TAF1L: variants seen among roughly 807,000 people sequenced by gnomAD.
TAF1L encodes TATA-box binding protein associated factor 1 like, also known as transcription initiation factor TFIID subunit 1-like.
Under a neutral mutation model 128.8 loss-of-function variants are expected in TAF1L, and 30 were observed. The observed-to-expected ratio is 0.23, with a 90% CI of 0.17 to 0.32. TAF1L has a LOEUF of 0.32. Ranked by LOEUF, TAF1L falls within the 10% of genes least tolerant of loss-of-function variation. The pLI is 1.00. For missense variants in TAF1L, 2,099 were observed against 2,253.7 expected (o/e 0.93, Z 1.39); for synonymous variants, 764 against 790.7 (o/e 0.97, Z 0.57).
chr9:32,635,662 A>C lies in TAF1L; in HGVS notation c.-83T>G. Reference sequence around the variant, plus strand: ...CCAGCGTCTACCGGAAGCTGAATAAAGGCGGGGGGAGGGGGCAAAGGGGCG... The same window carrying C: ...CCAGCGTCTACCGGAAGCTGAATAACGGCGGGGGGAGGGGGCAAAGGGGCG... On this transcript the variant is annotated 5_prime_UTR_variant, in exon 1 of 1. Transcript: ENST00000242310. 8.7e-6 allele frequency: 4 copies of C among 457,436 alleles called. No homozygotes were observed. The highest frequency in any genetic ancestry group is 9.1e-6 in the Non-Finnish European group (3 of 328,080). 28.3% of individuals were successfully genotyped at this position (457,436 alleles called of 1,614,324 possible).
rs1822503376 is a variant in TAF1L, at chr9:32,630,514, T to C, written c.5066A>G (p.Asn1689Ser). The change falls in exon 1 of 1, where the codon AAT becomes AGT. Residue 1689 changes from asparagine to serine, a missense_variant. By Grantham distance (46) the Asn-to-Ser change is conservative. This residue lies in a region of TAF1L where 404 missense variants were observed against 406.5 expected (regional missense o/e 0.99). Transcript: ENST00000242310. The stretch of plus-strand genomic sequence containing the variant: ...AGTGGAAATATCCAAGACAGACAAA[T>C]TGCTCTCATCTTGAAATACAGAGGC... ...RDASVFQDES[N>S]LSVLDISTAT... 2.5e-6 allele frequency: 4 copies of C among 1,614,158 alleles called. No individual in the cohort carries two copies. Among genetic ancestry groups the C allele is most frequent in the Non-Finnish European group, 3.4e-6 (4 of 1,180,028 alleles).
chr9:32,633,603 T>C lies in TAF1L; in HGVS notation c.1977A>G (p.Leu659=). 3 of 1,614,186 alleles carry C rather than the reference T, an allele frequency of 1.9e-6. No homozygotes were observed. The highest frequency in any genetic ancestry group is 2.5e-6 in the Non-Finnish European group (3 of 1,180,020). ...QPGPHSVQPL[L]KHIKKKAKMR... ...TCTTGGCCTTTTTTTTGATGTGCTT[T>C]AGCAAAGGTTGGACTGAATGGGGAC... Residue 659 remains leucine (L), a synonymous_variant, in exon 1 of 1, where the codon CTA becomes CTG. Transcript: ENST00000242310.
In TAF1L at chr9:32,634,491, C is replaced by T. The variant is rs267602211; in HGVS notation, c.1089G>A (p.Gly363=). Residue 363 remains glycine, a synonymous_variant, in exon 1 of 1, where the codon GGG becomes GGA. Coordinates refer to ENST00000242310, the MANE Select transcript of TAF1L (RefSeq NM_153809.2). ...GCATATCATACCACAGTCGGGCAGG[C>T]CCATAACGCCACTCAGCCACTCTTG... ...TKPRVAEWRY[G]PARLWYDMLG... The T allele has an allele frequency of 1.9e-6, 3 of 1,614,198 alleles. No homozygotes were observed. The East Asian group carries it at 6.7e-5, about 36-fold the overall frequency.
chr9:32,633,055 C>T lies in TAF1L; in HGVS notation c.2525G>A (p.Arg842Gln), dbSNP rs760135663. The T allele has an allele frequency of 1.8e-5, 29 of 1,614,022 alleles. No homozygotes were observed. The highest frequency in any genetic ancestry group is 5.0e-5 in the Admixed American group (3 of 59,982). The change falls in exon 1 of 1, where the codon CGG (arginine) becomes CAG (glutamine). Residue 842 changes from arginine to glutamine, a missense_variant. Coordinates refer to ENST00000242310, the MANE Select transcript of TAF1L (RefSeq NM_153809.2). ...TTTTATATCTTCCATTCGTATCCTCCGTGGCCGATCTTTACTCTTCCAGAA... is the reference window on the plus strand; with the variant it reads ...TTTTATATCTTCCATTCGTATCCTCTGTGGCCGATCTTTACTCTTCCAGAA... Reference protein sequence around the residue: ...RLFWKSKDRPRRIRMEDIKKA... With the variant: ...RLFWKSKDRPQRIRMEDIKKA...
At position 32,635,485 on chromosome 9, in the gene TAF1L, C is replaced by T. The variant is rs1208534270; in HGVS notation, c.95G>A (p.Gly32Asp). 1 of 1,614,192 alleles carries T rather than the reference C, an allele frequency of 6.2e-7. No individual in the cohort carries two copies. Among genetic ancestry groups the T allele is most frequent in the East Asian group, 2.2e-5 (1 of 44,882 alleles). ...GATACCCGCTAAAGTAAATGGGCCA[C>T]CTCCAGATGAATCTTCCTCGCTGTC... ...DSDSEEDSSGGGPFTLAGILF... is the reference protein window; with the variant it reads ...DSDSEEDSSGDGPFTLAGILF... Residue 32 changes from glycine (G) to aspartate (D), a missense_variant, in exon 1 of 1, where the codon GGT becomes GAT. Physicochemically the swap from Gly to Asp is moderately conservative, Grantham distance 94 (BLOSUM62 -1). Transcript: ENST00000242310.
At position 32,634,656 on chromosome 9, in the gene TAF1L, C is replaced by T; in HGVS notation, c.924G>A (p.Lys308=). ...ECSVESEVSQ[K]SLWNYDYAPP... Reference sequence around the variant, plus strand: ...GAGCATAGTCATAGTTCCACAAAGACTTCTGGCTGACTTCTGATTCTACTG... The same window carrying T: ...GAGCATAGTCATAGTTCCACAAAGATTTCTGGCTGACTTCTGATTCTACTG... Residue 308 remains lysine, a synonymous_variant, in exon 1 of 1, where the codon AAG becomes AAA. Coordinates refer to ENST00000242310, the MANE Select transcript of TAF1L (RefSeq NM_153809.2). 6.2e-7 allele frequency: 1 copy of T among 1,614,068 alleles called. No individual in the cohort carries two copies. The highest frequency in any genetic ancestry group is 8.5e-7 in the Non-Finnish European group (1 of 1,180,006).
rs1438047799 is a variant in TAF1L at position 32,633,618 on chromosome 9, TG to T, written c.1961del (p.Ser654Ter). 2 of 1,614,070 alleles carry T rather than the reference TG, an allele frequency of 1.2e-6. No homozygotes were observed. Among genetic ancestry groups the T allele is most frequent in the Non-Finnish European group, 1.7e-6 (2 of 1,180,042 alleles). On this transcript the variant is annotated frameshift_variant, in exon 1 of 1. Transcript: ENST00000242310. LOFTEE classifies it high-confidence loss of function. ...TGATGTGCTTTAGCAAAGGTTGGACTGAATGGGGACCTGGCTGAGAGAGTGC... is the reference window on the plus strand; with the variant it reads ...TGATGTGCTTTAGCAAAGGTTGGACTAATGGGGACCTGGCTGAGAGAGTGC... ...FGALSQPGPHSVQPLLKHIKK... is the reference protein window; with the variant it reads ...FGALSQPGPHXVQPLLKHIKK...
rs1025503265 is a variant in TAF1L at position 32,632,472 on chromosome 9, A to C, written c.3108T>G (p.Ile1036Met). 7 of 1,614,098 alleles carry C rather than the reference A, an allele frequency of 4.3e-6. No individual in the cohort carries two copies. The highest frequency in any genetic ancestry group is 1.7e-4 in the Middle Eastern group (1 of 6,060). Residue 1036 changes from isoleucine (I) to methionine (M), a missense_variant, in exon 1 of 1, where the codon ATT becomes ATG. Physicochemically the swap from Ile to Met is conservative, Grantham distance 10. Around this residue, in one of 4 missense-constraint regions of TAF1L, gnomAD observed 1,213 missense variants for 1,391.4 expected, o/e 0.87. Transcript: ENST00000242310. The surrounding 1 kb of genome is among the most constrained non-coding windows in gnomAD (Gnocchi z 4.4). Reference sequence around the variant, plus strand: ...TCACTTCCCAGCGGGACAACTTTTTAATCTCTTCCTCAGGCACACCAAATT... The same window carrying C: ...TCACTTCCCAGCGGGACAACTTTTTCATCTCTTCCTCAGGCACACCAAATT... ...LRKFGVPEEE[I>M]KKLSRWEVID...
chr9:32,629,967 A>ATGC lies in TAF1L; in HGVS notation c.*129_*131dup. On this transcript the variant is annotated 3_prime_UTR_variant, in exon 1 of 1. Transcript: ENST00000242310. The stretch of plus-strand genomic sequence containing the variant: ...CACCATGCCCAGCTGGAAATTTCCG[A>ATGC]TGCTGCTGAAGCTTGTGTCTTGGGT... 3.3e-6 allele frequency: 5 copies of ATGC among 1,526,078 alleles called. No homozygotes were observed. In the South Asian group the frequency reaches 6.5e-5, roughly 20 times the overall value. 94.5% of individuals were successfully genotyped at this position (1,526,078 alleles called of 1,614,324 possible). A position where few individuals can be genotyped will look rare whatever the true frequency, so the allele number is the denominator to read the frequency against.
chr9:32,633,779 C>T lies in TAF1L; in HGVS notation c.1801G>A (p.Gly601Ser). 1 of 1,614,176 alleles carries T rather than the reference C, an allele frequency of 6.2e-7. No homozygotes were observed. Among genetic ancestry groups the T allele is most frequent in the Non-Finnish European group, 8.5e-7 (1 of 1,180,036 alleles). Residue 601 changes from glycine (G) to serine (S), a missense_variant, in exon 1 of 1, where the codon GGC (glycine) becomes AGC (serine). Transcript: ENST00000242310. ...YYFPKQQGLR[G>S]TFGGNIIQHS... ...TGGATAATATTCCCTCCAAAGGTGC[C>T]CCGAAGACCCTGTTGCTTGGGGAAA...
Position 32,630,129 on chromosome 9 carries a change from T to C in TAF1L, c.5451A>G (p.Ser1817=), listed in dbSNP as rs1280342665. The C allele has an allele frequency of 6.2e-6, 10 of 1,614,070 alleles. No individual in the cohort carries two copies. Among genetic ancestry groups the C allele is most frequent in the Non-Finnish European group, 7.6e-6 (9 of 1,180,034 alleles). Residue 1817 remains serine, a synonymous_variant, in exon 1 of 1, where the codon TCA becomes TCG. Transcript: ENST00000242310. Reference sequence around the variant, plus strand: ...TTCCGTGCCCATCCTTGTGTTCTCCTGAAGCATGCTGAAGCATGAAGGGTT... The same window carrying C: ...TTCCGTGCCCATCCTTGTGTTCTCCCGAAGCATGCTGAAGCATGAAGGGTT... ...PKQPFMLQHA[S]GEHKDGHGK
rs1377413934 is a variant in TAF1L, at chr9:32,634,886, C to A, written c.694G>T (p.Ala232Ser). 1.9e-6 allele frequency: 3 copies of A among 1,614,176 alleles called. No homozygotes were observed. Among genetic ancestry groups the A allele is most frequent in the South Asian group, 1.1e-5 (1 of 91,086 alleles). Residue 232 changes from alanine to serine, a missense_variant, in exon 1 of 1, where the codon GCT becomes TCT. Around this residue, in one of 4 missense-constraint regions of TAF1L, gnomAD observed 473 missense variants for 429.6 expected, o/e 1.10. Transcript: ENST00000242310. Reference sequence around the variant, plus strand: ...GTGGCATCATGCTGCATAATCCCAGCCAATGGAAGGGTCAGCTTTCCATCC... The same window carrying A: ...GTGGCATCATGCTGCATAATCCCAGACAATGGAAGGGTCAGCTTTCCATCC... ...SEDGKLTLPL[A>S]GIMQHDATKL... is the part of the protein sequence containing the mutation.
In TAF1L at chr9:32,635,266, T is replaced by C. The variant is rs780913267; in HGVS notation, c.314A>G (p.Asp105Gly). The C allele has an allele frequency of 1.2e-6, 2 of 1,614,024 alleles. No individual in the cohort carries two copies. The highest frequency in any genetic ancestry group is 2.7e-5 in the African/African-American group (2 of 74,916). ...NDEGWIRSTE[D>G]AVDYSDINEV... ...ATTGATGTCTGAATAGTCTACAGCATCTTCTGTACTCCTAATCCACCCTTC... is the reference window on the plus strand; with the variant it reads ...ATTGATGTCTGAATAGTCTACAGCACCTTCTGTACTCCTAATCCACCCTTC... Residue 105 changes from aspartate to glycine, a missense_variant, in exon 1 of 1, where the codon GAT (aspartate) becomes GGT (glycine). Asp to Gly is a moderately conservative substitution (Grantham distance 94). Around this residue, in one of 4 missense-constraint regions of TAF1L, gnomAD observed 473 missense variants for 429.6 expected, o/e 1.10. Coordinates refer to ENST00000242310, the MANE Select transcript of TAF1L (RefSeq NM_153809.2).
Sources: gnomAD v4.1 joint callset for allele counts on GRCh38, gnomAD v4.1.1 for gene constraint, gnomAD v4.1.1 regional missense constraint, Gnocchi (gnomAD v3.1) non-coding constraint, MANE v1.5 for transcripts, NCBI Gene and HGNC (gene_info 2026-07-23, HGNC 2026-07-21) for gene names.